The following DAG1 variants were observed in gnomAD, a reference collection of about 807,000 sequenced individuals.
DAG1 encodes dystroglycan 1.
A neutral mutation model predicts 46.1 loss-of-function variants in DAG1; 8 were observed. The ratio of observed to expected loss-of-function variants is 0.17; its 90% CI spans 0.10 to 0.31. The LOEUF (loss-of-function observed/expected upper bound fraction) is 0.31, where lower values mean the gene tolerates loss of function less well. DAG1 is among the 10% of genes least tolerant of loss of function. The probability of loss-of-function intolerance (pLI) is 1.00; values close to 1 mark genes in which losing one functional copy is unlikely to be tolerated. For missense variants in DAG1, 1,003 were observed against 1,189.9 expected (o/e 0.84, Z 2.31); for synonymous variants, 495 against 481.8 (o/e 1.03, Z -0.36).
In DAG1 at chr3:49,533,427, C is replaced by T. The variant is rs2051426703; in HGVS notation, c.*228C>T. ...TTTATTTTTATTTTTTGCCTAACAGCTTTTGGTTTGTTCATAGAGAATTCT... is the reference window on the plus strand; with the variant it reads ...TTTATTTTTATTTTTTGCCTAACAGTTTTTGGTTTGTTCATAGAGAATTCT... On this transcript the variant is annotated 3_prime_UTR_variant, in exon 3 of 3. Coordinates refer to ENST00000308775, the MANE Select transcript of DAG1 (RefSeq NM_004393.6). 1 of 720,622 alleles carries T rather than the reference C, an allele frequency of 1.4e-6. No homozygotes were observed. Among genetic ancestry groups the T allele is most frequent in the Admixed American group, 2.0e-5 (1 of 49,524 alleles). The allele number at this position is 720,622 out of a possible 1,614,324, so 44.6% of individuals were successfully genotyped here.
chr3:49,532,216 C>A lies in DAG1; in HGVS notation c.1705C>A (p.His569Asn). Residue 569 changes from histidine to asparagine, a missense_variant, in exon 3 of 3, where the codon CAC becomes AAC. His to Asn is a moderately conservative substitution (Grantham distance 68, BLOSUM62 1). Around this residue, in one of 3 missense-constraint regions of DAG1, gnomAD observed 755 missense variants for 854.1 expected, o/e 0.88. Coordinates refer to ENST00000308775, the MANE Select transcript of DAG1 (RefSeq NM_004393.6). This position sits in a 1 kb window ranked among gnomAD's most constrained non-coding sequence, Gnocchi z 5.4. ...CATGTATGGCCTTCCCGACAGCAGC[C>A]ACGTGGGCAAACACGAGTATTTCAT... The part of the protein sequence containing the change: ...QLMYGLPDSS[H>N]VGKHEYFMHA... 1 of 1,614,098 alleles carries A rather than the reference C, an allele frequency of 6.2e-7. No homozygotes were observed. Among genetic ancestry groups the A allele is most frequent in the East Asian group, 2.2e-5 (1 of 44,882 alleles).
At chr3:49,469,341 C>T (rs757082824), upstream of DAG1, among the ~76,000 whole-genome samples, 1 of 152,178 alleles carries the variant, frequency 6.6e-6, no homozygotes, top group Non-Finnish European at 1.5e-5. Context: ...CAGACCCATC[C>T]GGTAACTGTC....
At chr3:49,530,315 G>T (rs1471998997) in intron 2 of DAG1, among the ~76,000 whole-genome samples, 1 of 152,226 alleles carries the variant, frequency 6.6e-6, no homozygotes, top group Non-Finnish European at 1.5e-5. Context: ...TTTGGGGCAG[G>T]AATGGTCCTC....
At chr3:49,527,333 G>A (rs1474481981) in intron 2 of DAG1, among the ~76,000 whole-genome samples, 2 of 152,150 alleles carry the variant, frequency 1.3e-5, no homozygotes, top group Admixed American at 1.3e-4. Context: ...GACCATCTTG[G>A]CTAACACGGT....
At chr3:49,485,404 G>A (rs1326544556) in intron 1 of DAG1, among the ~76,000 whole-genome samples, 2 of 152,132 alleles carry the variant, frequency 1.3e-5, no homozygotes, top group South Asian at 2.1e-4. Flanking sequence ...CCCTGAAACC[G>A]TGGCCTGAGT....
At chr3:49,504,862 CG>C (rs1022769001) in intron 1 of DAG1, among the ~76,000 whole-genome samples, 8 of 147,434 alleles carry the variant, frequency 5.4e-5, no homozygotes, top group African/African-American at 2.0e-4. Context: ...CCACCCGCCT[CG>C]GCCTCCCAAA....
chr3:49,493,036 C>CTTTTTTTTTTT lies in DAG1; in HGVS notation c.-116-17370_-116-17360dup, dbSNP rs55708660. ...CTTTGTGCAAATCATTATTTTTATTCTTTTTTTTTTTTTTTTTTTTTTTGA... is the reference window on the plus strand; with the variant it reads ...CTTTGTGCAAATCATTATTTTTATTCTTTTTTTTTTTTTTTTTTTTTTTTTTTTTTTTTTGA... On this transcript the variant is annotated intron_variant, in intron 1 of 2. Transcript: ENST00000308775. 27 of 86,380 alleles carry CTTTTTTTTTTT rather than the reference C, an allele frequency of 3.1e-4. 1 individual carries two copies. The highest frequency in any genetic ancestry group is 8.8e-4 in the South Asian group (2 of 2,272). 5.4% of individuals were successfully genotyped at this position (86,380 alleles called of 1,614,324 possible).
At chr3:49,510,212 C>A in intron 1 of DAG1, 2 of 482,416 alleles carry the variant, frequency 4.1e-6, no homozygotes, top group South Asian at 4.7e-5. Flanking sequence ...TTTCAAAATC[C>A]AGTGTATATT....
intron 1 of DAG1, among the ~76,000 whole-genome samples, chr3:49,495,806 G>A (rs2050295319): frequency 6.6e-6 from 1 of 152,112 alleles, no homozygotes; most frequent in Non-Finnish European, 1.5e-5. Context: ...TGTAACCCCA[G>A]CTACTCAGGA....
intron 1 of DAG1, among the ~76,000 whole-genome samples, chr3:49,494,633 T>C (rs957252050): frequency 4.6e-5 from 7 of 151,904 alleles, no homozygotes; most frequent in Admixed American, 3.3e-4. Context: ...TGAATTATTA[T>C]TATTATTTTT....
intron 1 of DAG1, among the ~76,000 whole-genome samples, chr3:49,482,008 A>C (rs544067287): frequency 6.6e-6 from 1 of 152,274 alleles, no homozygotes; most frequent in African/African-American, 2.4e-5. Flanking sequence ...TGTTAGAACA[A>C]CTATTTTCAT....
At position 49,532,629 on chromosome 3, in the gene DAG1, T is replaced by G. The variant is rs2051391042; in HGVS notation, c.2118T>G (p.Thr706=). Residue 706 remains threonine (T), a synonymous_variant, in exon 3 of 3, where the codon ACT becomes ACG. Coordinates refer to ENST00000308775, the MANE Select transcript of DAG1 (RefSeq NM_004393.6). This position sits in a 1 kb window ranked among gnomAD's most constrained non-coding sequence, Gnocchi z 5.4. ...LEPDFKATSI[T]VTGSGSCRHL... ...CTGACTTTAAGGCCACAAGCATCAC[T>G]GTGACGGGCTCTGGCAGTTGTCGGC... is the stretch of plus-strand genomic sequence containing the variant. 1 of 1,613,688 alleles carries G rather than the reference T, an allele frequency of 6.2e-7. No homozygotes were observed. The highest frequency in any genetic ancestry group is 1.3e-5 in the African/African-American group (1 of 74,906).
chr3:49,520,302 G>A (rs1559570312), intron 2 of DAG1, among the ~76,000 whole-genome samples: 2 of 152,256 alleles, frequency 1.3e-5, no homozygotes, highest in Non-Finnish European at 2.9e-5. Context: ...AACCCTGAGT[G>A]TGAGTCAGCA....
chr3:49,504,245 G>T (rs2050535251), intron 1 of DAG1, among the ~76,000 whole-genome samples: 1 of 146,168 alleles, frequency 6.8e-6, no homozygotes, highest in Non-Finnish European at 1.5e-5. Context: ...ATATAGTATA[G>T]TATGTAACCT....
Position 49,530,964 on chromosome 3 carries a change from G to A in DAG1, c.453G>A (p.Val151=). The A allele has an allele frequency of 6.2e-7, 1 of 1,614,136 alleles. No homozygotes were observed. Among genetic ancestry groups the A allele is most frequent in the African/African-American group, 1.3e-5 (1 of 75,036 alleles). The change falls in exon 3 of 3, where the codon GTG becomes GTA. Residue 151 remains valine, a synonymous_variant. Transcript: ENST00000308775. ...GCCACATCCCCCAGACCTCCAGTGTGTTCTCCATCGAGGTCTACCCTGAAG... is the reference window on the plus strand; with the variant it reads ...GCCACATCCCCCAGACCTCCAGTGTATTCTCCATCGAGGTCTACCCTGAAG... The part of the protein sequence containing the change: ...NGSHIPQTSS[V]FSIEVYPEDH...
intron 1 of DAG1, among the ~76,000 whole-genome samples, chr3:49,484,126 T>A (rs2049954811): frequency 6.6e-6 from 1 of 152,206 alleles, no homozygotes; most frequent in South Asian, 2.1e-4. Flanking sequence ...GACTCTCTTC[T>A]GCTTTGGGTT....
At chr3:49,507,107 T>G (rs534215237) in intron 1 of DAG1, among the ~76,000 whole-genome samples, 1 of 152,268 alleles carries the variant, frequency 6.6e-6, no homozygotes, top group African/African-American at 2.4e-5. Context: ...TTCCAGAACT[T>G]TGGGAGTCCA....
intron 1 of DAG1, among the ~76,000 whole-genome samples, chr3:49,509,670 C>G (rs1171092293): frequency 1.3e-5 from 2 of 152,108 alleles, no homozygotes; most frequent in Non-Finnish European, 2.9e-5. Flanking sequence ...TTAAATTTTC[C>G]TGGTAGCCAC....
At position 49,533,248 on chromosome 3, in the gene DAG1, A is replaced by G. The variant is rs2051419788; in HGVS notation, c.*49A>G. 6.2e-7 allele frequency: 1 copy of G among 1,601,332 alleles called. No homozygotes were observed. The highest frequency in any genetic ancestry group is 1.3e-5 in the African/African-American group (1 of 74,976). ...AGGGTAGGGCAGGGGCCTGGAGACG[A>G]CATGGTGTTGTCTGTGGAGACCGGT... On this transcript the variant is annotated 3_prime_UTR_variant, in exon 3 of 3. Coordinates refer to ENST00000308775, the MANE Select transcript of DAG1 (RefSeq NM_004393.6).
Sources: gnomAD v4.1 joint callset for allele counts (sites outside exome capture counted in the v4.1 genomes callset) on GRCh38, gnomAD v4.1.1 for gene constraint, gnomAD v4.1.1 regional missense constraint, Gnocchi (gnomAD v3.1) non-coding constraint, MANE v1.5 for transcripts, NCBI Gene and HGNC (gene_info 2026-07-23, HGNC 2026-07-21) for gene names.